ARHGEF3: variants seen among roughly 807,000 people sequenced by gnomAD.
ARHGEF3 encodes Rho guanine nucleotide exchange factor 3.
ARHGEF3 carries 28 observed loss-of-function variants against 63.2 expected under a neutral mutation model. That is an observed-to-expected ratio of 0.44 (90% confidence interval 0.33 to 0.61). The LOEUF (loss-of-function observed/expected upper bound fraction) is 0.61, where lower values mean the gene tolerates loss of function less well. Among genes scored for constraint, ARHGEF3 ranks in the 20% least tolerant of loss-of-function variants. The pLI, the probability that ARHGEF3 is intolerant of heterozygous loss-of-function variation, is 0.03. For missense variants in ARHGEF3, 533 were observed against 659.3 expected, an observed-to-expected ratio of 0.81 and a Z score of 2.10; for synonymous variants, 266 against 254.2, an observed-to-expected ratio of 1.05 and a Z score of -0.44.
rs376159375 is a variant in ARHGEF3 at position 56,814,780 on chromosome 3, T to C, written c.193-40964A>G. On this transcript the variant is annotated intron_variant, in intron 4 of 12. Transcript: ENST00000338458. ...AATCTTATAATTTCAAAAAAGGATA[T>C]GACTGTTGCACATATATAAAAGAAG... Among the ~76,000 whole-genome samples, 16 of 152,270 alleles carry C rather than the reference T, an allele frequency of 1.1e-4. 2 individuals are homozygous for C. The highest frequency in any genetic ancestry group is 5.9e-4 in the Admixed American group (9 of 15,294).
intron 4 of ARHGEF3, among the ~76,000 whole-genome samples, chr3:56,824,740 T>C (rs1234118761): frequency 2.0e-5 from 3 of 152,210 alleles, no homozygotes; most frequent in African/African-American, 7.2e-5. Flanking sequence ...ATGAGAGGAA[T>C]GAACTACTAT....
At chr3:56,905,389 T>C (rs2108319783) in intron 3 of ARHGEF3, among the ~76,000 whole-genome samples, 1 of 152,358 alleles carries the variant, frequency 6.6e-6, no homozygotes, top group East Asian at 1.9e-4. Flanking sequence ...ACACTATATT[T>C]GGGAAAGCCT....
chr3:57,037,832 G>A (rs1219566459), intron 1 of ARHGEF3, among the ~76,000 whole-genome samples: 2 of 152,144 alleles, frequency 1.3e-5, no homozygotes, highest in African/African-American at 4.8e-5. Flanking sequence ...CCAAGATTGT[G>A]CCACTGCACT....
intron 4 of ARHGEF3, among the ~76,000 whole-genome samples, chr3:56,815,721 T>C (rs1354034): frequency 0.49 from 75,236 of 152,046 alleles, 20,681 homozygotes; most frequent in Non-Finnish European, 0.61. Flanking sequence ...GTGCCTGTGT[T>C]ATCTTTACAA....
At chr3:56,807,852 A>C (rs1441517094) in intron 4 of ARHGEF3, among the ~76,000 whole-genome samples, 1 of 152,136 alleles carries the variant, frequency 6.6e-6, no homozygotes, top group Non-Finnish European at 1.5e-5. Flanking sequence ...GGCTGGGTGC[A>C]GTGGCTCATG....
chr3:56,827,404 G>A (rs545936524), intron 4 of ARHGEF3, among the ~76,000 whole-genome samples: 8 of 152,268 alleles, frequency 5.3e-5, no homozygotes, highest in African/African-American at 1.7e-4. Context: ...TGAACTGAGT[G>A]GTCCAGGTTT....
chr3:56,846,824 G>C (rs1196791204), intron 4 of ARHGEF3, among the ~76,000 whole-genome samples: 1 of 152,090 alleles, frequency 6.6e-6, no homozygotes, highest in African/African-American at 2.4e-5. Context: ...AAAATGCTAA[G>C]AATCACCCAC....
chr3:57,025,483 T>C (rs1192233388), intron 2 of ARHGEF3, among the ~76,000 whole-genome samples: 2 of 152,270 alleles, frequency 1.3e-5, no homozygotes, highest in East Asian at 3.9e-4. Context: ...GGAAGAGTGA[T>C]TGCACACATC....
intron 4 of ARHGEF3, among the ~76,000 whole-genome samples, chr3:56,818,822 G>A (rs191950265): frequency 5.3e-5 from 8 of 152,214 alleles, no homozygotes; most frequent in Admixed American, 5.2e-4. Context: ...CCAGGGTCGT[G>A]GCAAATATTG....
intron 3 of ARHGEF3, among the ~76,000 whole-genome samples, chr3:56,905,061 T>TC (rs1250825393): frequency 6.6e-6 from 1 of 152,208 alleles, no homozygotes; most frequent in East Asian, 1.9e-4. Context: ...TCAGCCTTCC[T>TC]CCTGCCTGAA....
At chr3:56,842,023 T>C (rs2039326330) in intron 4 of ARHGEF3, among the ~76,000 whole-genome samples, 1 of 152,220 alleles carries the variant, frequency 6.6e-6, no homozygotes, top group African/African-American at 2.4e-5. Flanking sequence ...TAAGTAATTC[T>C]GAAAAATGCC....
intron 2 of ARHGEF3, among the ~76,000 whole-genome samples, chr3:57,000,411 A>G (rs1464275158): frequency 6.6e-6 from 1 of 151,960 alleles, no homozygotes; most frequent in East Asian, 1.9e-4. Context: ...TGCTCACTGT[A>G]CATCCCTCCC....
chr3:56,941,210 C>A (rs1312280185), intron 3 of ARHGEF3, among the ~76,000 whole-genome samples: 3 of 152,156 alleles, frequency 2.0e-5, no homozygotes, highest in South Asian at 4.2e-4. Flanking sequence ...TTAGCCACAG[C>A]ACATGTTCTG....
chr3:56,968,719 A>G (rs1228986276), intron 2 of ARHGEF3, among the ~76,000 whole-genome samples: 1 of 152,066 alleles, frequency 6.6e-6, no homozygotes, highest in African/African-American at 2.4e-5. Context: ...ATATTATTGA[A>G]CACATAATCA....
intron 4 of ARHGEF3, among the ~76,000 whole-genome samples, chr3:56,852,915 T>C (rs1469855116): frequency 6.6e-5 from 10 of 152,192 alleles, no homozygotes; most frequent in Non-Finnish European, 4.4e-5. Context: ...GATGGATGTA[T>C]AGACCATGCA....
intron 3 of ARHGEF3, among the ~76,000 whole-genome samples, chr3:56,931,575 C>CAA (rs10596928): frequency 6.8e-5 from 4 of 58,908 alleles, no homozygotes; most frequent in African/African-American, 1.5e-4. Flanking sequence ...GATCCTGTCT[C>CAA]AAAAAAAAAA....
intron 2 of ARHGEF3, among the ~76,000 whole-genome samples, chr3:56,963,675 G>C (rs1446851002): frequency 6.6e-6 from 1 of 152,138 alleles, no homozygotes; most frequent in Non-Finnish European, 1.5e-5. Context: ...AGCATAACTA[G>C]AAAAATCAAA....
intron 7 of ARHGEF3, among the ~76,000 whole-genome samples, chr3:56,737,703 C>T (rs1174848637): frequency 6.6e-6 from 1 of 151,836 alleles, no homozygotes; most frequent in African/African-American, 2.4e-5. Flanking sequence ...AAAATGTAGC[C>T]ATATAAAAAA....
At chr3:57,014,229 A>G (rs1344207755) in intron 2 of ARHGEF3, among the ~76,000 whole-genome samples, 1 of 152,184 alleles carries the variant, frequency 6.6e-6, no homozygotes, top group African/African-American at 2.4e-5. Context: ...GAATATCCGA[A>G]GGAACAAACT....
Sources: gnomAD v4.1 joint callset for allele counts (sites outside exome capture counted in the v4.1 genomes callset) on GRCh38, gnomAD v4.1.1 for gene constraint, MANE v1.5 for transcripts, NCBI Gene and HGNC (gene_info 2026-07-23, HGNC 2026-07-21) for gene names.